CCNC: variants seen among roughly 807,000 people sequenced by gnomAD.
CCNC encodes cyclin-C.
Under a neutral mutation model 50.0 loss-of-function variants are expected in CCNC, and 19 were observed. That is an observed-to-expected ratio of 0.38 (90% CI 0.27 to 0.56). CCNC has a LOEUF of 0.56. Among genes scored for constraint, CCNC ranks in the 20% least tolerant of loss-of-function variants. The pLI is 0.72. For missense variants in CCNC, 200 were observed against 327.1 expected, an observed-to-expected ratio of 0.61 and a Z score of 3.00; for synonymous variants, 93 against 103.7, an observed-to-expected ratio of 0.90 and a Z score of 0.63.
chr6:99,563,012 AC>A, intron 1 of CCNC, 64 bp from the exon 2 acceptor site: 1 of 984,618 alleles, frequency 1.0e-6, no homozygotes, highest in Non-Finnish European at 1.6e-6. Context: ...AAGATTGAAC[AC>A]ATTGTTCATA....
intron 5 of CCNC, among the ~76,000 whole-genome samples, chr6:99,552,468 CAT>C (rs1252967889): frequency 1.3e-5 from 2 of 151,834 alleles, no homozygotes; most frequent in African/African-American, 4.8e-5. Context: ...TCGAGTTACT[CAT>C]AAAGTAGTAG....
At chr6:99,549,251 C>T (rs187447956) in intron 9 of CCNC, 31 of 530,288 alleles carry the variant, frequency 5.8e-5, no homozygotes, top group Admixed American at 1.3e-4. Context: ...CAAATATGTT[C>T]TATTCAGACA....
At chr6:99,555,197 A>C (rs774896394) in intron 5 of CCNC, among the ~76,000 whole-genome samples, 1 of 152,096 alleles carries the variant, frequency 6.6e-6, no homozygotes, top group African/African-American at 2.4e-5. Context: ...TTACACTCTT[A>C]ATCATTTCCA....
At position 99,546,482 on chromosome 6, in the gene CCNC, GAA is replaced by G. The variant is rs1802074770; in HGVS notation, c.599-10_599-9del. The G allele has an allele frequency of 2.5e-6, 4 of 1,577,134 alleles. No individual in the cohort carries two copies. In the South Asian group the frequency reaches 3.3e-5, roughly 13 times the overall value. ...AGGCTACATGTAGGCAAGCTGAAAT[GAA>G]AATGAGAGACAACTGTCCATGTTTA... On this transcript the variant is annotated splice_polypyrimidine_tract_variant and intron_variant, in intron 9 of 11. Coordinates refer to ENST00000520429, the MANE Select transcript of CCNC (RefSeq NM_005190.4).
At chr6:99,548,180 C>T (rs75506575) in intron 9 of CCNC, among the ~76,000 whole-genome samples, 7,684 of 152,036 alleles carry the variant, frequency 0.051, 254 homozygotes, top group Non-Finnish European at 0.08. Context: ...TTAAATGTTT[C>T]GGCATGTAAG....
In CCNC at chr6:99,561,376, G is replaced by A; in HGVS notation, c.285C>T (p.Ser95=). The A allele has an allele frequency of 6.2e-7, 1 of 1,601,130 alleles. No individual in the cohort carries two copies. The highest frequency in any genetic ancestry group is 8.5e-7 in the Non-Finnish European group (1 of 1,171,004). ...GAAAATTGTTTTATACCTCTACTTTGGATGCCAAAAACACACATGTAGGAG... is the reference window on the plus strand; with the variant it reads ...GAAAATTGTTTTATACCTCTACTTTAGATGCCAAAAACACACATGTAGGAG... The part of the protein sequence containing the change: ...LMAPTCVFLA[S]KVEEFGVVSN... The change falls in exon 4 of 12, where the codon TCC becomes TCT. Residue 95 remains serine (S), a synonymous_variant. Coordinates refer to ENST00000520429, the MANE Select transcript of CCNC (RefSeq NM_005190.4).
At position 99,559,117 on chromosome 6, in the gene CCNC, A is replaced by G. The variant is rs1433700015; in HGVS notation, c.295-569T>C. 2.6e-5 allele frequency among the ~76,000 whole-genome samples: 4 copies of G among 151,972 alleles called. No individual in the cohort carries two copies. In the East Asian group the frequency reaches 7.7e-4, roughly 29 times the overall value. Reference sequence around the variant, plus strand: ...TATTCAATTCAACCTGTATTAACAGATACTTCATGCCATTCTATGGTAAAA... The same window carrying G: ...TATTCAATTCAACCTGTATTAACAGGTACTTCATGCCATTCTATGGTAAAA... On this transcript the variant is annotated intron_variant, in intron 4 of 11. Transcript: ENST00000520429.
Position 99,563,152 on chromosome 6 carries a change from T to A in CCNC, c.33-204A>T, listed in dbSNP as rs568593591. On this transcript the variant is annotated intron_variant, in intron 1 of 11. Coordinates refer to ENST00000520429, the MANE Select transcript of CCNC (RefSeq NM_005190.4). ...GTCCTGAAAAAATTCTGCTCTAATC[T>A]TTTCCTTCTTCCTCCTTAGTCTGTT... 1.4e-4 allele frequency among the ~76,000 whole-genome samples: 21 copies of A among 152,356 alleles called. 1 individual carries two copies. The South Asian group carries it at 4.3e-3, about 32-fold the overall frequency.
In CCNC at chr6:99,548,101, G is replaced by A. The variant is rs150593063; in HGVS notation, c.598+1407C>T. Reference sequence around the variant, plus strand: ...CTGAGGTGCTGGTGGGATGCCAAGCGGAGCTATGTAAAAGGAAGATGGATA... The same window carrying A: ...CTGAGGTGCTGGTGGGATGCCAAGCAGAGCTATGTAAAAGGAAGATGGATA... On this transcript the variant is annotated intron_variant, in intron 9 of 11. Coordinates refer to ENST00000520429, the MANE Select transcript of CCNC (RefSeq NM_005190.4). Among the ~76,000 whole-genome samples, 331 of 152,260 alleles carry A rather than the reference G, an allele frequency of 2.2e-3. 3 individuals are homozygous for A. Among genetic ancestry groups the A allele is most frequent in the African/African-American group, 7.1e-3 (293 of 41,556 alleles).
Position 99,555,984 on chromosome 6 carries a change from C to T in CCNC, c.346+2513G>A, listed in dbSNP as rs576873720. Among the ~76,000 whole-genome samples the T allele has an allele frequency of 4.0e-5, 5 of 125,378 alleles. No individual in the cohort carries two copies. The East Asian group carries it at 7.5e-4, about 19-fold the overall frequency. 82.3% of individuals were successfully genotyped at this position (125,378 alleles called of 152,430 possible). Reference sequence around the variant, plus strand: ...TTTTTATAAGAACTGCTGACTCTATCGCTCAAATCTGGCTTGTTTGTTCTT... The same window carrying T: ...TTTTTATAAGAACTGCTGACTCTATTGCTCAAATCTGGCTTGTTTGTTCTT... On this transcript the variant is annotated intron_variant, in intron 5 of 11. Coordinates refer to ENST00000520429, the MANE Select transcript of CCNC (RefSeq NM_005190.4).
Position 99,543,530 on chromosome 6 carries a change from C to G in CCNC, c.*25G>C. 4 of 1,610,936 alleles carry G rather than the reference C, an allele frequency of 2.5e-6. No individual in the cohort carries two copies. The South Asian group carries it at 3.3e-5, about 13-fold the overall frequency. ...GTCCAATGGTTTATTTCCAAGTGGT[C>G]CACTATGGAATTCTTCGGAATGTTT... On this transcript the variant is annotated 3_prime_UTR_variant, in exon 12 of 12. Transcript: ENST00000520429.
At position 99,564,450 on chromosome 6, in the gene CCNC, A is replaced by G. The variant is rs111763975; in HGVS notation, c.33-1502T>C. Reference sequence around the variant, plus strand: ...AAAAAAAAAAAAAAAAAAAATTCCTATGGGTTACTGCCACTTTTAAATACT... The same window carrying G: ...AAAAAAAAAAAAAAAAAAAATTCCTGTGGGTTACTGCCACTTTTAAATACT... On this transcript the variant is annotated intron_variant, in intron 1 of 11. Transcript: ENST00000520429. 2.0e-3 allele frequency among the ~76,000 whole-genome samples: 302 copies of G among 149,638 alleles called. 3 individuals carry two copies. The highest frequency in any genetic ancestry group is 6.2e-3 in the African/African-American group (254 of 40,910).
upstream of CCNC, chr6:99,568,707 C>T: frequency 1.4e-6 from 2 of 1,453,502 alleles, no homozygotes; most frequent in Non-Finnish European, 1.8e-6. Context: ...CGCCGGCCGA[C>T]AACACTCAAC....
chr6:99,548,919 G>C (rs894707022), intron 9 of CCNC, among the ~76,000 whole-genome samples: 1 of 151,860 alleles, frequency 6.6e-6, no homozygotes, highest in Non-Finnish European at 1.5e-5. Context: ...TTCTTCAAAC[G>C]GCTCAGTGGA....
At chr6:99,554,703 C>T (rs1583578402) in intron 5 of CCNC, among the ~76,000 whole-genome samples, 1 of 152,218 alleles carries the variant, frequency 6.6e-6, no homozygotes, top group East Asian at 1.9e-4. Flanking sequence ...TTATTACTGG[C>T]ATTAAGAGAT....
intron 1 of CCNC, among the ~76,000 whole-genome samples, chr6:99,563,966 A>C (rs952644280): frequency 6.6e-6 from 1 of 152,112 alleles, no homozygotes; most frequent in Admixed American, 6.5e-5. Flanking sequence ...TATCTTTGTA[A>C]TTCTCCTTGC....
chr6:99,562,513 C>G (rs1211735855), intron 2 of CCNC: 3 of 201,768 alleles, frequency 1.5e-5, no homozygotes, highest in Non-Finnish European at 3.0e-5. Flanking sequence ...GAAACGACCA[C>G]TATAGGATGT....
intron 10 of CCNC, among the ~76,000 whole-genome samples, 196 bp from the exon 11 acceptor site, chr6:99,545,426 G>A (rs141887828): frequency 8.7e-4 from 132 of 152,250 alleles, no homozygotes; most frequent in African/African-American, 3.0e-3. Context: ...TTCAGCATGT[G>A]TGCATTGTCC....
At chr6:99,545,974 CT>C (rs869104330) in intron 10 of CCNC, among the ~76,000 whole-genome samples, 238 of 146,430 alleles carry the variant, frequency 1.6e-3, no homozygotes, top group Middle Eastern at 3.4e-3. Context: ...TCCTACCAAA[CT>C]TTTTTTTTTT....
Sources: gnomAD v4.1 joint callset for allele counts (sites outside exome capture counted in the v4.1 genomes callset) on GRCh38, gnomAD v4.1.1 for gene constraint, MANE v1.5 for transcripts, NCBI Gene and HGNC (gene_info 2026-07-23, HGNC 2026-07-21) for gene names.